TM4SF20: variants seen among roughly 807,000 people sequenced by gnomAD.
The protein encoded by TM4SF20 is transmembrane 4 L six family member 20, also known as transmembrane 4 L6 family member 20.
TM4SF20 carries 13 observed loss-of-function variants against 15.1 expected under a neutral mutation model. The observed-to-expected ratio is 0.86, with a 90% confidence interval of 0.56 to 1.36. TM4SF20 has a LOEUF of 1.36. Among genes scored for constraint, TM4SF20 ranks in the 40% most tolerant of loss-of-function variants. TM4SF20 has a pLI of 0.00. For missense variants in TM4SF20, 282 were observed against 268.4 expected, an observed-to-expected ratio of 1.05 and a Z score of -0.35; for synonymous variants, 92 against 96.6, an observed-to-expected ratio of 0.95 and a Z score of 0.28.
intron 3 of TM4SF20, among the ~76,000 whole-genome samples, chr2:227,364,382 T>TCCCCCCC (rs1575020868): frequency 7.3e-6 from 1 of 137,140 alleles, no homozygotes; most frequent in African/African-American, 3.3e-5. Context: ...GAGCCTCCCC[T>TCCCCCCC]ACCCCCCGCC....
At chr2:227,367,748 C>A (rs1203867143) in intron 2 of TM4SF20, among the ~76,000 whole-genome samples, 56 of 152,096 alleles carry the variant, frequency 3.7e-4, no homozygotes, top group Non-Finnish European at 2.9e-5. Flanking sequence ...CATATATCAT[C>A]TCATTTAATT....
upstream of TM4SF20, among the ~76,000 whole-genome samples, chr2:227,380,191 G>A (rs1232784150): frequency 6.6e-6 from 1 of 152,212 alleles, no homozygotes; most frequent in Non-Finnish European, 1.5e-5. Flanking sequence ...GTAGCCAAGC[G>A]TGGTGGCACA....
chr2:227,375,093 A>C (rs549346020), intron 1 of TM4SF20, among the ~76,000 whole-genome samples: 1 of 151,722 alleles, frequency 6.6e-6, no homozygotes, highest in South Asian at 2.1e-4. Context: ...TGCCTGGCTA[A>C]TTTTTGTATT....
At chr2:227,364,383 A>ACCCCCCCCCCCCC (rs1315331304) in intron 3 of TM4SF20, among the ~76,000 whole-genome samples, 1 of 143,446 alleles carries the variant, frequency 7.0e-6, no homozygotes, top group African/African-American at 2.8e-5. Context: ...AGCCTCCCCT[A>ACCCCCCCCCCCCC]CCCCCCGCCA....
chr2:227,372,943 A>G (rs2076428453), intron 1 of TM4SF20, among the ~76,000 whole-genome samples: 1 of 151,868 alleles, frequency 6.6e-6, no homozygotes, highest in African/African-American at 2.4e-5. Flanking sequence ...CTGGTCTCGA[A>G]CTCCTGGGCT....
intron 1 of TM4SF20, among the ~76,000 whole-genome samples, chr2:227,373,927 C>CA (rs373068376): frequency 0.13 from 13,199 of 102,970 alleles, 1,147 homozygotes; most frequent in African/African-American, 0.2. Context: ...GACTCCGTCT[C>CA]AAAAAAAAAA....
intron 1 of TM4SF20, among the ~76,000 whole-genome samples, chr2:227,377,265 C>T (rs1373642699): frequency 6.6e-6 from 1 of 152,210 alleles, no homozygotes; most frequent in Non-Finnish European, 1.5e-5. Context: ...CAGCCAGCTG[C>T]TCCTGGCTTC....
intron 2 of TM4SF20, among the ~76,000 whole-genome samples, chr2:227,367,282 T>G (rs2076397828): frequency 6.6e-6 from 1 of 152,128 alleles, no homozygotes; most frequent in African/African-American, 2.4e-5. Context: ...TTAGAAAGAT[T>G]GTACACATCT....
chr2:227,368,143 C>G (rs2076402156), intron 2 of TM4SF20, among the ~76,000 whole-genome samples: 1 of 149,224 alleles, frequency 6.7e-6, no homozygotes, highest in Non-Finnish European at 1.5e-5. Flanking sequence ...CCTGCCTCAG[C>G]CTCCTGAGTA....
chr2:227,366,081 C>T lies in TM4SF20; in HGVS notation c.401+12G>A. 6.2e-7 allele frequency: 1 copy of T among 1,609,332 alleles called. No homozygotes were observed. The highest frequency in any genetic ancestry group is 8.5e-7 in the Non-Finnish European group (1 of 1,178,060). On this transcript the variant is annotated intron_variant, in intron 3 of 3. Coordinates refer to ENST00000304568, the MANE Select transcript of TM4SF20 (RefSeq NM_024795.4). The stretch of plus-strand genomic sequence containing the variant: ...TGTGAGACAGTAAGCCTGTGAAAAT[C>T]AAGTTACTTACCTGATGTTTTTCAA...
chr2:227,372,941 G>A (rs538073181), intron 1 of TM4SF20, among the ~76,000 whole-genome samples: 91 of 152,078 alleles, frequency 6.0e-4, no homozygotes, highest in African/African-American at 2.1e-3. Flanking sequence ...GGCTGGTCTC[G>A]AACTCCTGGG....
intron 3 of TM4SF20, among the ~76,000 whole-genome samples, chr2:227,365,098 A>G (rs1391966189): frequency 1.3e-5 from 2 of 152,178 alleles, no homozygotes; most frequent in Non-Finnish European, 2.9e-5. Context: ...TTCAGTAGTG[A>G]TGCAGTTTCA....
intron 3 of TM4SF20, among the ~76,000 whole-genome samples, chr2:227,365,148 C>T (rs2076386226): frequency 6.6e-6 from 1 of 152,206 alleles, no homozygotes; most frequent in Non-Finnish European, 1.5e-5. Context: ...TGACCTCAAG[C>T]GATCCACCTG....
intron 1 of TM4SF20, among the ~76,000 whole-genome samples, chr2:227,378,060 ACTCTCT>A (rs370675463): frequency 2.0e-5 from 3 of 147,392 alleles, no homozygotes; most frequent in South Asian, 2.1e-4. Flanking sequence ...CTTACAGCTT[ACTCTCT>A]CTCTCTCTCT....
chr2:227,376,451 A>C (rs183235691), intron 1 of TM4SF20, among the ~76,000 whole-genome samples: 78 of 152,332 alleles, frequency 5.1e-4, no homozygotes, highest in African/African-American at 1.9e-3. Flanking sequence ...AGCCCTTTTT[A>C]CCACCCACCT....
At chr2:227,375,735 C>T (rs1042620326) in intron 1 of TM4SF20, among the ~76,000 whole-genome samples, 5 of 152,202 alleles carry the variant, frequency 3.3e-5, no homozygotes, top group Admixed American at 1.3e-4. Flanking sequence ...GTGATTCGCC[C>T]GCCTCGGCCT....
At chr2:227,365,960 A>G in intron 3 of TM4SF20, 133 bp downstream of exon 3, 2 of 887,118 alleles carry the variant, frequency 2.3e-6, no homozygotes, top group Admixed American at 3.3e-5. Context: ...TTAATGTACT[A>G]AAATTCCTAA....
chr2:227,375,343 T>C (rs951074295), intron 1 of TM4SF20, among the ~76,000 whole-genome samples: 2 of 152,138 alleles, frequency 1.3e-5, no homozygotes, highest in African/African-American at 4.8e-5. Context: ...CAGTGAGTTG[T>C]GCTCACAGCA....
chr2:227,366,053 C>T lies in TM4SF20; in HGVS notation c.401+40G>A, dbSNP rs13415654. 7,484 of 1,580,486 alleles carry T rather than the reference C, an allele frequency of 4.7e-3. 312 individuals are homozygous for T. The African/African-American group carries it at 0.088, about 19-fold the overall frequency. The stretch of plus-strand genomic sequence containing the variant: ...CATTAATCTAATCAAACTAGTTCAA[C>T]TGTGTGAGACAGTAAGCCTGTGAAA... On this transcript the variant is annotated intron_variant, in intron 3 of 3. Transcript: ENST00000304568.
Sources: allele counts gnomAD v4.1 joint callset (sites outside exome capture counted in the v4.1 genomes callset), GRCh38; gene constraint gnomAD v4.1.1; transcripts MANE v1.5; gene names NCBI Gene and HGNC (gene_info 2026-07-23, HGNC 2026-07-21).